Variants in ZFP14 observed in about 807,000 individuals in gnomAD.
The protein encoded by ZFP14 is ZFP14 zinc finger protein, also known as zinc finger protein 14 homolog.
In ZFP14, 22 loss-of-function variants were observed where a neutral mutation model predicts 54.5. The observed-to-expected ratio is 0.40, with a 90% CI of 0.29 to 0.58. The LOEUF (loss-of-function observed/expected upper bound fraction) is 0.58, where lower values mean the gene tolerates loss of function less well. ZFP14 is among the 20% of genes least tolerant of loss of function. The pLI, the probability that ZFP14 is intolerant of heterozygous loss-of-function variation, is 0.39. For synonymous variants in ZFP14, 159 were observed against 204.0 expected (o/e 0.78, Z 1.88); for missense variants, 470 against 637.8 (o/e 0.74, Z 2.83).
chr19:36,349,776 C>T (rs1489124198), intron 4 of ZFP14, among the ~76,000 whole-genome samples: 1 of 150,340 alleles, frequency 6.7e-6, no homozygotes. Flanking sequence ...GCTTTAACAA[C>T]AGCTTAGACT....
chr19:36,349,248 A>C lies in ZFP14; in HGVS notation c.236-7658T>G, dbSNP rs866428882. ...CTCTGTCTCAAAAAAAAAAACAAAA[A>C]AAAAAAAACAAAAAAAAAAAAACAG... On this transcript the variant is annotated intron_variant, in intron 4 of 4. Coordinates refer to ENST00000270001, the MANE Select transcript of ZFP14 (RefSeq NM_020917.3). Among the ~76,000 whole-genome samples, 58 of 66,294 alleles carry C rather than the reference A, an allele frequency of 8.7e-4. 2 individuals are homozygous for C. Among genetic ancestry groups the C allele is most frequent in the East Asian group, 3.0e-3 (9 of 2,992 alleles). 43.5% of individuals were successfully genotyped at this position (66,294 alleles called of 152,430 possible).
rs2031182325 is a variant in ZFP14, at chr19:36,335,770, T to G, written c.*4454A>C. Reference sequence around the variant, plus strand: ...TTATTTTTGAGACAGGTTCTCACTCTGTCACCCAGGCTGGAGTGCAGTGGC... The same window carrying G: ...TTATTTTTGAGACAGGTTCTCACTCGGTCACCCAGGCTGGAGTGCAGTGGC... On this transcript the variant is annotated 3_prime_UTR_variant, in exon 5 of 5. Transcript: ENST00000270001. 1 of 152,236 alleles carries G rather than the reference T, an allele frequency of 6.6e-6. No individual in the cohort carries two copies. Among genetic ancestry groups the G allele is most frequent in the South Asian group, 2.1e-4 (1 of 4,826 alleles). The allele number at this position is 152,236 out of a possible 1,614,324, so 9.4% of individuals were successfully genotyped here.
rs1221052391 is a variant in ZFP14, at chr19:36,352,957, T to G, written c.235+7478A>C. 3.0e-5 allele frequency among the ~76,000 whole-genome samples: 4 copies of G among 133,182 alleles called. 1 individual carries two copies. The highest frequency in any genetic ancestry group is 4.9e-5 in the Non-Finnish European group (3 of 60,624). The allele number at this position is 133,182 out of a possible 152,430, so 87.4% of individuals were successfully genotyped here. ...CTCTGTCTCAAAAAAAAAAAAAAAATTAGCCATGTGTGGTGGTGCGCACCT... is the reference window on the plus strand; with the variant it reads ...CTCTGTCTCAAAAAAAAAAAAAAAAGTAGCCATGTGTGGTGGTGCGCACCT... On this transcript the variant is annotated intron_variant, in intron 4 of 4. Coordinates refer to ENST00000270001, the MANE Select transcript of ZFP14 (RefSeq NM_020917.3).
Position 36,341,227 on chromosome 19 carries a change from T to C in ZFP14, c.599A>G (p.Tyr200Cys), listed in dbSNP as rs765596255. Residue 200 changes from tyrosine to cysteine, a missense_variant, in exon 5 of 5, where the codon TAT (tyrosine) becomes TGT (cysteine). By Grantham distance (194) the Tyr-to-Cys change is radical (BLOSUM62 -2). Coordinates refer to ENST00000270001, the MANE Select transcript of ZFP14 (RefSeq NM_020917.3). This position sits in a 1 kb window ranked among gnomAD's most constrained non-coding sequence, Gnocchi z 4.2. Reference protein sequence around the residue: ...HLRIHTGEKPYKCKECGQAFR... With the variant: ...HLRIHTGEKPCKCKECGQAFR... Reference sequence around the variant, plus strand: ...GGCCTGCCCACATTCCTTACACTTATAAGGTTTCTCACCAGTATGAATTCT... The same window carrying C: ...GGCCTGCCCACATTCCTTACACTTACAAGGTTTCTCACCAGTATGAATTCT... The C allele has an allele frequency of 1.7e-5, 27 of 1,614,224 alleles. No homozygotes were observed. Among genetic ancestry groups the C allele is most frequent in the Non-Finnish European group, 1.9e-5 (23 of 1,180,044 alleles).
chr19:36,376,254 T>C (rs1230641421), intron 1 of ZFP14, among the ~76,000 whole-genome samples: 2 of 152,272 alleles, frequency 1.3e-5, no homozygotes, highest in African/African-American at 4.8e-5. Context: ...CATATGCTTC[T>C]TCCCACAATT....
In ZFP14 at chr19:36,340,639, T is replaced by C. The variant is rs750268196; in HGVS notation, c.1187A>G (p.Tyr396Cys). 1.9e-6 allele frequency: 3 copies of C among 1,614,014 alleles called. No individual in the cohort carries two copies. The highest frequency in any genetic ancestry group is 2.2e-5 in the South Asian group (2 of 91,080). ...GGTCTTCCAACATTCCATACATTCA[T>C]AGGGTTTCTCACGAGTATGTATTCT... ...HQRIHTREKP[Y>C]ECMECWKTFS... is the part of the protein sequence containing the mutation. Residue 396 changes from tyrosine to cysteine, a missense_variant, in exon 5 of 5, where the codon TAT becomes TGT. Tyr to Cys is a radical substitution (Grantham distance 194, BLOSUM62 -2). Transcript: ENST00000270001. This position sits in a 1 kb window ranked among gnomAD's most constrained non-coding sequence, Gnocchi z 5.4.
intron 4 of ZFP14, among the ~76,000 whole-genome samples, chr19:36,342,289 T>C (rs2031334701): frequency 6.8e-6 from 1 of 147,658 alleles, no homozygotes; most frequent in Admixed American, 7.0e-5. Context: ...CAAGCAATTC[T>C]CCTGCCTCAG....
chr19:36,353,182 G>A (rs2031558218), intron 4 of ZFP14, among the ~76,000 whole-genome samples: 1 of 142,496 alleles, frequency 7.0e-6, no homozygotes, highest in Non-Finnish European at 1.6e-5. Context: ...GGCTGTTGCA[G>A]TACAAGCACA....
rs143635886 is a variant in ZFP14 at position 36,340,280 on chromosome 19, C to A, written c.1546G>T (p.Ala516Ser). The change falls in exon 5 of 5, where the codon GCC becomes TCC. Residue 516 changes from alanine to serine, a missense_variant. Ala to Ser is a moderately conservative substitution (Grantham distance 99, BLOSUM62 1). Coordinates refer to ENST00000270001, the MANE Select transcript of ZFP14 (RefSeq NM_020917.3). This position sits in a 1 kb window ranked among gnomAD's most constrained non-coding sequence, Gnocchi z 5.4. ...GTAAGGTGTGAATGCTGTCTAAAGGCCTTCTTACACTCCTTACACTTGTAG... is the reference window on the plus strand; with the variant it reads ...GTAAGGTGTGAATGCTGTCTAAAGGACTTCTTACACTCCTTACACTTGTAG... ...KPYKCKECKK[A>S]FRQHSHLTQH... The A allele has an allele frequency of 1.5e-4, 241 of 1,612,794 alleles. No homozygotes were observed. The highest frequency in any genetic ancestry group is 2.7e-5 in the Non-Finnish European group (32 of 1,179,500).
At position 36,337,161 on chromosome 19, in the gene ZFP14, C is replaced by G. The variant is rs1329494205; in HGVS notation, c.*3063G>C. 2 of 152,122 alleles carry G rather than the reference C, an allele frequency of 1.3e-5. No homozygotes were observed. The highest frequency in any genetic ancestry group is 4.8e-5 in the African/African-American group (2 of 41,440). The allele number at this position is 152,122 out of a possible 1,614,324, so 9.4% of individuals were successfully genotyped here. A position where few individuals can be genotyped will look rare whatever the true frequency, so the allele number is the denominator to read the frequency against. On this transcript the variant is annotated 3_prime_UTR_variant, in exon 5 of 5. Coordinates refer to ENST00000270001, the MANE Select transcript of ZFP14 (RefSeq NM_020917.3). ...ATGGCTTTTTATGTTTTGTTCAAAC[C>G]AGGTCCAAGTAATGCCAACATACTG...
chr19:36,367,862 G>A, intron 2 of ZFP14, 22 bp downstream of exon 2: 1 of 1,610,200 alleles, frequency 6.2e-7, no homozygotes, highest in Non-Finnish European at 8.5e-7. Flanking sequence ...ATTTCGAAAA[G>A]GACAGAGAAA....
chr19:36,342,526 A>C (rs1387602164), intron 4 of ZFP14, among the ~76,000 whole-genome samples: 1 of 152,096 alleles, frequency 6.6e-6, no homozygotes, highest in Non-Finnish European at 1.5e-5. Context: ...CTAACAAATA[A>C]AATAGTTGAC....
chr19:36,370,318 A>G (rs755354069), intron 1 of ZFP14, among the ~76,000 whole-genome samples: 18 of 152,212 alleles, frequency 1.2e-4, no homozygotes, highest in Non-Finnish European at 1.9e-4. Flanking sequence ...CCTGTTCCCT[A>G]ACACCAGGCC....
chr19:36,341,815 G>A lies in ZFP14; in HGVS notation c.236-225C>T, dbSNP rs977328929. Among the ~76,000 whole-genome samples the A allele has an allele frequency of 1.3e-5, 2 of 151,854 alleles. No individual in the cohort carries two copies. The highest frequency in any genetic ancestry group is 4.8e-5 in the African/African-American group (2 of 41,346). On this transcript the variant is annotated intron_variant, in intron 4 of 4. Transcript: ENST00000270001. This position sits in a 1 kb window ranked among gnomAD's most constrained non-coding sequence, Gnocchi z 4.2. ...AAAAGTACACACTAAAAATTACTGT[G>A]TTCAGAAGAAAAATAGGCCCGGAGC... is the stretch of plus-strand genomic sequence containing the variant.
intron 2 of ZFP14, among the ~76,000 whole-genome samples, chr19:36,364,819 T>G (rs2031766328): frequency 6.6e-6 from 1 of 151,966 alleles, no homozygotes; most frequent in Non-Finnish European, 1.5e-5. Flanking sequence ...TTTCATCAAA[T>G]CACAGATCTT....
chr19:36,361,974 T>C (rs1457998745), intron 3 of ZFP14, 138 bp downstream of exon 3: 5 of 936,312 alleles, frequency 5.3e-6, no homozygotes, highest in South Asian at 2.1e-5. Context: ...CATGATGAAA[T>C]GGAGAGGCCT....
At chr19:36,367,105 G>A (rs1409024244) in intron 2 of ZFP14, among the ~76,000 whole-genome samples, 1 of 150,962 alleles carries the variant, frequency 6.6e-6, no homozygotes, top group Non-Finnish European at 1.5e-5. Flanking sequence ...AGTGAGCCGA[G>A]ATCATGCCAC....
At chr19:36,368,463 A>G (rs761533953) in intron 1 of ZFP14, among the ~76,000 whole-genome samples, 6 of 152,194 alleles carry the variant, frequency 3.9e-5, no homozygotes, top group Non-Finnish European at 1.5e-5. Context: ...AGCAAAAAAG[A>G]AAGAAATACA....
intron 1 of ZFP14, among the ~76,000 whole-genome samples, chr19:36,369,891 G>C (rs1156911006): frequency 6.6e-6 from 1 of 152,140 alleles, no homozygotes; most frequent in Non-Finnish European, 1.5e-5. Flanking sequence ...CTGGACTACA[G>C]TGGCATGATC....
Sources: allele counts gnomAD v4.1 joint callset (sites outside exome capture counted in the v4.1 genomes callset), GRCh38; gene constraint gnomAD v4.1.1; non-coding constraint Gnocchi (gnomAD v3.1); transcripts MANE v1.5; gene names NCBI Gene and HGNC (gene_info 2026-07-23, HGNC 2026-07-21).